The following PRKG1 variants were observed in gnomAD, a reference collection of about 807,000 sequenced individuals.
PRKG1 encodes the protein cGMP-dependent protein kinase 1.
A neutral mutation model predicts 88.1 loss-of-function variants in PRKG1; 35 were observed. The ratio of observed to expected loss-of-function variants is 0.40; its 90% confidence interval spans 0.30 to 0.53. The LOEUF is 0.53. Ranked by LOEUF, PRKG1 falls within the 20% of genes least tolerant of loss-of-function variation. PRKG1 has a pLI of 0.59. For missense variants in PRKG1, 540 were observed against 839.8 expected, an observed-to-expected ratio of 0.64 and a Z score of 4.41; for synonymous variants, 303 against 292.5, an observed-to-expected ratio of 1.04 and a Z score of -0.37.
intron 3 of PRKG1, among the ~76,000 whole-genome samples, chr10:51,713,990 A>AT (rs1841823400): frequency 1.3e-5 from 2 of 151,650 alleles, no homozygotes; most frequent in African/African-American, 4.8e-5. Context: ...TCTTATTTTT[A>AT]TTTTTTTGAG....
At chr10:51,571,320 C>A (rs1837747066) in intron 3 of PRKG1, among the ~76,000 whole-genome samples, 1 of 151,650 alleles carries the variant, frequency 6.6e-6, no homozygotes, top group Non-Finnish European at 1.5e-5. Context: ...TATGTTTAAC[C>A]TGAAAGGTGT....
intron 10 of PRKG1, among the ~76,000 whole-genome samples, chr10:52,257,943 T>A (rs1264614216): frequency 7.2e-6 from 1 of 139,304 alleles, no homozygotes; most frequent in East Asian, 2.1e-4. Context: ...GTAAAGCTTA[T>A]CTCTACTTTG....
At chr10:51,781,232 A>T (rs1838580428) in intron 3 of PRKG1, among the ~76,000 whole-genome samples, 1 of 152,186 alleles carries the variant, frequency 6.6e-6, no homozygotes, top group African/African-American at 2.4e-5. Context: ...AGCAAAAACA[A>T]AAAACAGACA....
intron 5 of PRKG1, among the ~76,000 whole-genome samples, chr10:52,013,840 C>G (rs2133176063): frequency 6.6e-6 from 1 of 152,324 alleles, no homozygotes; most frequent in South Asian, 2.1e-4. Context: ...CTTGATATCA[C>G]TCACTTTTCT....
intron 9 of PRKG1, among the ~76,000 whole-genome samples, chr10:52,227,101 T>A (rs1323833027): frequency 2.0e-5 from 3 of 152,128 alleles, no homozygotes; most frequent in Admixed American, 2.0e-4. Context: ...TAATGAATTA[T>A]CATAATCAAA....
intron 3 of PRKG1, among the ~76,000 whole-genome samples, chr10:51,493,072 A>T (rs1840750018): frequency 6.6e-6 from 1 of 152,128 alleles, no homozygotes; most frequent in Non-Finnish European, 1.5e-5. Context: ...GAAGACTTTA[A>T]CAAGGTTATA....
At chr10:52,095,693 C>G (rs1194391400) in intron 7 of PRKG1, among the ~76,000 whole-genome samples, 2 of 152,182 alleles carry the variant, frequency 1.3e-5, no homozygotes, top group South Asian at 2.1e-4. Context: ...ACAGCCCCAT[C>G]ATCCTAAGGA....
At position 51,904,053 on chromosome 10, in the gene PRKG1, G is replaced by T. The variant is rs200710540; in HGVS notation, c.699-3454G>T. Among the ~76,000 whole-genome samples the T allele has an allele frequency of 2.0e-5, 3 of 151,968 alleles. No individual in the cohort carries two copies. In the East Asian group the frequency reaches 5.8e-4, roughly 29 times the overall value. On this transcript the variant is annotated intron_variant, in intron 4 of 17. Transcript: ENST00000373980. ...TTATTGTCATTACAAATTGTAAGTC[G>T]TTGCTACATTCAATTAGAAAAACCA...
intron 3 of PRKG1, among the ~76,000 whole-genome samples, chr10:51,588,111 C>T (rs1247734144): frequency 6.6e-6 from 1 of 152,182 alleles, no homozygotes; most frequent in Non-Finnish European, 1.5e-5. Context: ...TCTTGACAAA[C>T]TTATCAGAGA....
intron 2 of PRKG1, among the ~76,000 whole-genome samples, chr10:51,393,006 C>T (rs1245586255): frequency 1.5e-4 from 22 of 151,206 alleles, no homozygotes; most frequent in Non-Finnish European, 2.2e-4. Context: ...GGCAGAGACA[C>T]TCCTCACTTC....
intron 7 of PRKG1, among the ~76,000 whole-genome samples, chr10:52,123,537 C>A (rs958587732): frequency 1.3e-5 from 2 of 151,994 alleles, no homozygotes; most frequent in South Asian, 4.2e-4. Context: ...AATACATTGA[C>A]CTTTATGCAT....
At chr10:51,123,864 C>A (rs937760886) in intron 1 of PRKG1, among the ~76,000 whole-genome samples, 11 of 152,012 alleles carry the variant, frequency 7.2e-5, no homozygotes, top group Non-Finnish European at 1.2e-4. Flanking sequence ...GCAGGCACTT[C>A]ACGTGGTGAA....
chr10:51,970,082 C>T (rs912862669), intron 5 of PRKG1, among the ~76,000 whole-genome samples: 3 of 150,576 alleles, frequency 2.0e-5, no homozygotes, highest in African/African-American at 7.3e-5. Context: ...TTCTTTAATT[C>T]CCTGAACCAT....
rs2132507770 is a variant in PRKG1 at position 51,750,130 on chromosome 10, T to A, written c.593-54455T>A. Among the ~76,000 whole-genome samples the A allele has an allele frequency of 3.3e-5, 5 of 152,080 alleles. No individual in the cohort carries two copies. The South Asian group carries it at 1.0e-3, about 32-fold the overall frequency. On this transcript the variant is annotated intron_variant, in intron 3 of 17. Transcript: ENST00000373980. The stretch of plus-strand genomic sequence containing the variant: ...TTTGTATTTTTAGTAGAGACAGGGT[T>A]TCATCATATTGGCCAGGCTGGTCTC...
intron 3 of PRKG1, among the ~76,000 whole-genome samples, chr10:51,803,125 C>A (rs1442651542): frequency 6.6e-6 from 1 of 152,060 alleles, no homozygotes; most frequent in African/African-American, 2.4e-5. Flanking sequence ...ATCATCCAGT[C>A]TTACTGTTTG....
intron 5 of PRKG1, among the ~76,000 whole-genome samples, chr10:51,969,403 G>T (rs537202940): frequency 6.6e-6 from 1 of 152,152 alleles, no homozygotes; most frequent in Admixed American, 6.5e-5. Flanking sequence ...ACTACCCATT[G>T]GTCTAAAGTA....
At chr10:51,876,199 G>A (rs1322723504) in intron 4 of PRKG1, among the ~76,000 whole-genome samples, 2 of 151,024 alleles carry the variant, frequency 1.3e-5, no homozygotes, top group African/African-American at 2.5e-5. Flanking sequence ...ACACATTTAT[G>A]TGCATAGATA....
chr10:51,106,309 T>C lies in PRKG1; in HGVS notation c.311+31408T>C, dbSNP rs370594488. Among the ~76,000 whole-genome samples, 117 of 152,312 alleles carry C rather than the reference T, an allele frequency of 7.7e-4. 1 individual carries two copies. The South Asian group carries it at 0.021, about 27-fold the overall frequency. The stretch of plus-strand genomic sequence containing the variant: ...ATGGTAAATTCTCAGTAAATGTTAG[T>C]GTGATTGAAAATTGTGAAGACATTA... On this transcript the variant is annotated intron_variant, in intron 1 of 17. Transcript: ENST00000373980.
intron 3 of PRKG1, among the ~76,000 whole-genome samples, chr10:51,761,717 T>C (rs1166934197): frequency 6.6e-6 from 1 of 152,212 alleles, no homozygotes; most frequent in Non-Finnish European, 1.5e-5. Flanking sequence ...ACTATGTACA[T>C]CCCTAAACAT....
Sources: gnomAD v4.1 joint callset for allele counts (sites outside exome capture counted in the v4.1 genomes callset) on GRCh38, gnomAD v4.1.1 for gene constraint, MANE v1.5 for transcripts, NCBI Gene and HGNC (gene_info 2026-07-23, HGNC 2026-07-21) for gene names.